FSTL4: variants seen among roughly 807,000 people sequenced by gnomAD.
The protein encoded by FSTL4 is follistatin-related protein 4.
Under a neutral mutation model 78.2 loss-of-function variants are expected in FSTL4, and 28 were observed. The observed-to-expected ratio is 0.36, with a 90% confidence interval of 0.27 to 0.49. The LOEUF is 0.49. FSTL4 is among the 20% of genes least tolerant of loss of function. The pLI, the probability that FSTL4 is intolerant of heterozygous loss-of-function variation, is 0.98. For synonymous variants in FSTL4, 422 were observed against 440.5 expected, an observed-to-expected ratio of 0.96 and a Z score of 0.53; for missense variants, 922 against 1,084.9, an observed-to-expected ratio of 0.85 and a Z score of 2.11.
At chr5:133,427,206 A>G (rs1756838226) in intron 3 of FSTL4, among the ~76,000 whole-genome samples, 1 of 152,208 alleles carries the variant, frequency 6.6e-6, no homozygotes. Context: ...AGCATGGATA[A>G]CAACTACTAT....
At chr5:133,594,283 T>A (rs1479546800) in intron 2 of FSTL4, among the ~76,000 whole-genome samples, 2 of 152,168 alleles carry the variant, frequency 1.3e-5, no homozygotes, top group Non-Finnish European at 2.9e-5. Context: ...CTCCGCCTCC[T>A]GGGTTTAAGC....
chr5:133,644,315 T>C, the FSTL4 span, among the ~76,000 whole-genome samples: 4 of 148,802 alleles, frequency 2.7e-5, no homozygotes, highest in Admixed American at 6.7e-5. Flanking sequence ...TTTGTGTGTG[T>C]TTTTTTTTTC....
intron 4 of FSTL4, among the ~76,000 whole-genome samples, chr5:133,395,466 A>G (rs252427): frequency 0.57 from 86,527 of 152,044 alleles, 27,163 homozygotes; most frequent in East Asian, 0.89. Flanking sequence ...CTCCGGACAC[A>G]CCATCTTTAA....
chr5:133,688,144 C>T, the FSTL4 span, among the ~76,000 whole-genome samples: 2 of 152,320 alleles, frequency 1.3e-5, no homozygotes, highest in African/African-American at 4.8e-5. Flanking sequence ...CACAGGGGCT[C>T]ACGCCTGTAA....
At chr5:133,759,163 G>A in the FSTL4 span, among the ~76,000 whole-genome samples, 1 of 152,260 alleles carries the variant, frequency 6.6e-6, no homozygotes, top group African/African-American at 2.4e-5. Flanking sequence ...AGAAAAATGA[G>A]CAAAAGACAT....
At chr5:133,600,918 AT>A (rs749358133) in intron 2 of FSTL4, among the ~76,000 whole-genome samples, 2 of 152,224 alleles carry the variant, frequency 1.3e-5, no homozygotes, top group Non-Finnish European at 2.9e-5. Flanking sequence ...GCTGGTTTTG[AT>A]TCTTCCAGGA....
At chr5:133,505,474 C>G (rs906432897) in intron 3 of FSTL4, among the ~76,000 whole-genome samples, 2 of 152,000 alleles carry the variant, frequency 1.3e-5, no homozygotes, top group Non-Finnish European at 1.5e-5. Context: ...CAGTAGGTGC[C>G]GAAGACAAGA....
chr5:133,469,182 G>C (rs953093686), intron 3 of FSTL4, among the ~76,000 whole-genome samples: 1 of 152,204 alleles, frequency 6.6e-6, no homozygotes, highest in South Asian at 2.1e-4. Flanking sequence ...GGTAAGGTTA[G>C]AAAGACCCCT....
chr5:133,705,951 C>T, the FSTL4 span, among the ~76,000 whole-genome samples: 1 of 152,046 alleles, frequency 6.6e-6, no homozygotes, highest in Admixed American at 6.6e-5. Context: ...AACTTAAGAA[C>T]CTTGTTTGCA....
intron 4 of FSTL4, among the ~76,000 whole-genome samples, chr5:133,340,091 A>G (rs1267306120): frequency 6.6e-6 from 1 of 152,082 alleles, no homozygotes; most frequent in Non-Finnish European, 1.5e-5. Context: ...GGGGAGTCTC[A>G]GAGCAGAGCA....
chr5:133,393,969 A>G (rs1220855261), intron 4 of FSTL4, among the ~76,000 whole-genome samples: 1 of 152,244 alleles, frequency 6.6e-6, no homozygotes, highest in African/African-American at 2.4e-5. Context: ...GGGAAGAAGC[A>G]TAAAGCAATT....
chr5:133,828,124 G>A, the FSTL4 span, among the ~76,000 whole-genome samples: 675 of 152,290 alleles, frequency 4.4e-3, 3 homozygotes, highest in African/African-American at 0.014. Flanking sequence ...TCTGCTGTGT[G>A]TTAAGCTGGG....
intron 2 of FSTL4, among the ~76,000 whole-genome samples, chr5:133,582,591 G>A (rs1176404638): frequency 6.6e-6 from 1 of 152,158 alleles, no homozygotes; most frequent in Non-Finnish European, 1.5e-5. Context: ...GGCAACAGCT[G>A]GGAGACACAG....
At chr5:133,608,660 G>GA (rs1456042333) in intron 1 of FSTL4, among the ~76,000 whole-genome samples, 1 of 152,152 alleles carries the variant, frequency 6.6e-6, no homozygotes, top group East Asian at 1.9e-4. Flanking sequence ...ACCTCCTTGT[G>GA]AAAACCACAG....
At chr5:133,576,917 C>G (rs1161408428) in intron 2 of FSTL4, among the ~76,000 whole-genome samples, 1 of 152,176 alleles carries the variant, frequency 6.6e-6, no homozygotes, top group Non-Finnish European at 1.5e-5. Context: ...AAACTTGACT[C>G]TAAGCAGGTT....
intron 7 of FSTL4, among the ~76,000 whole-genome samples, chr5:133,237,545 G>A (rs1751699530): frequency 6.6e-6 from 1 of 152,148 alleles, no homozygotes; most frequent in African/African-American, 2.4e-5. Context: ...AGCATTACCT[G>A]TCTGTGGCTT....
At chr5:133,573,999 TAAAG>T (rs911403876) in intron 2 of FSTL4, among the ~76,000 whole-genome samples, 2 of 152,182 alleles carry the variant, frequency 1.3e-5, no homozygotes, top group Non-Finnish European at 1.5e-5. Flanking sequence ...GAAAATTTCT[TAAAG>T]AGGATGTGAA....
the FSTL4 span, among the ~76,000 whole-genome samples, chr5:133,689,853 G>A: frequency 2.0e-5 from 3 of 152,122 alleles, 1 homozygote; most frequent in South Asian, 4.1e-4. Context: ...CTGAGGTCAG[G>A]TGTTCGAGAC....
intron 3 of FSTL4, among the ~76,000 whole-genome samples, chr5:133,431,352 T>C (rs6883214): frequency 0.013 from 1,961 of 152,258 alleles, 47 homozygotes; most frequent in African/African-American, 0.044. Context: ...GCTTGAACAA[T>C]AGAATGGAAC....
Sources: gnomAD v4.1 joint callset for allele counts (sites outside exome capture counted in the v4.1 genomes callset) on GRCh38, gnomAD v4.1.1 for gene constraint, MANE v1.5 for transcripts, NCBI Gene and HGNC (gene_info 2026-07-23, HGNC 2026-07-21) for gene names.